Variants in ZNF385D observed in about 807,000 individuals in gnomAD.
The protein encoded by ZNF385D is zinc finger protein 659.
ZNF385D carries 15 observed loss-of-function variants against 35.8 expected under a neutral mutation model. That is an observed-to-expected ratio of 0.42 (90% confidence interval 0.28 to 0.64). The LOEUF is 0.64. Ranked by LOEUF, ZNF385D falls within the 30% of genes least tolerant of loss-of-function variation. The pLI is 0.23. For synonymous variants in ZNF385D, 212 were observed against 186.8 expected (o/e 1.13, Z -1.10); for missense variants, 474 against 494.6 (o/e 0.96, Z 0.39).
At chr3:22,358,408 AC>A (rs1379926475) in intron 2 of ZNF385D, among the ~76,000 whole-genome samples, 1 of 151,886 alleles carries the variant, frequency 6.6e-6, no homozygotes. Flanking sequence ...ACAAAATGCA[AC>A]TTTGTTCAAA....
intron 3 of ZNF385D, among the ~76,000 whole-genome samples, chr3:21,959,310 A>G (rs1311947338): frequency 1.3e-5 from 2 of 152,170 alleles, no homozygotes; most frequent in Non-Finnish European, 2.9e-5. Context: ...ATAAAAACAA[A>G]TGAAGATGCT....
At chr3:21,838,432 C>T (rs753648428) in intron 3 of ZNF385D, among the ~76,000 whole-genome samples, 1 of 152,012 alleles carries the variant, frequency 6.6e-6, no homozygotes, top group African/African-American at 2.4e-5. Context: ...AATTTAGATG[C>T]GAATCAACAA....
At chr3:21,883,126 T>C (rs1001112959) in intron 3 of ZNF385D, among the ~76,000 whole-genome samples, 11 of 152,050 alleles carry the variant, frequency 7.2e-5, no homozygotes, top group African/African-American at 2.2e-4. Flanking sequence ...GGTTAGTTTG[T>C]ATGCAGATAA....
chr3:21,619,135 C>T (rs2064930238), intron 2 of ZNF385D, among the ~76,000 whole-genome samples: 1 of 152,092 alleles, frequency 6.6e-6, no homozygotes, highest in Non-Finnish European at 1.5e-5. Context: ...AATTACCTCA[C>T]CTTTTCTACC....
intron 1 of ZNF385D, among the ~76,000 whole-genome samples, chr3:21,726,747 C>A (rs1013947111): frequency 1.3e-5 from 2 of 152,084 alleles, no homozygotes; most frequent in African/African-American, 4.8e-5. Flanking sequence ...CTATACTGCC[C>A]GAAGTGGTTT....
intron 2 of ZNF385D, among the ~76,000 whole-genome samples, chr3:21,596,023 G>C (rs73137046): frequency 6.6e-6 from 1 of 152,158 alleles, no homozygotes; most frequent in African/African-American, 2.4e-5. Flanking sequence ...CAATGCAAAG[G>C]CATTTTTATT....
chr3:21,576,844 G>C (rs1461896259), intron 2 of ZNF385D, among the ~76,000 whole-genome samples: 1 of 152,030 alleles, frequency 6.6e-6, no homozygotes, highest in Non-Finnish European at 1.5e-5. Context: ...TTCTGTAACA[G>C]GTTTTTTCTA....
At chr3:21,756,456 T>C (rs531660246) in intron 3 of ZNF385D, among the ~76,000 whole-genome samples, 1 of 152,258 alleles carries the variant, frequency 6.6e-6, no homozygotes, top group East Asian at 1.9e-4. Context: ...ATTCTTATTA[T>C]ATCCAAGTAG....
At chr3:22,010,017 AAC>A (rs1489676509) in intron 3 of ZNF385D, among the ~76,000 whole-genome samples, 2 of 152,280 alleles carry the variant, frequency 1.3e-5, no homozygotes, top group Admixed American at 6.5e-5. Flanking sequence ...AAAACAGGTA[AAC>A]ACAGTCACTT....
At chr3:22,258,328 G>A (rs989135858) in intron 2 of ZNF385D, among the ~76,000 whole-genome samples, 2 of 151,716 alleles carry the variant, frequency 1.3e-5, no homozygotes, top group Non-Finnish European at 2.9e-5. Context: ...AGCCAAATAA[G>A]CAGAATAAGT....
intron 3 of ZNF385D, among the ~76,000 whole-genome samples, chr3:21,976,568 A>G (rs961354355): frequency 6.6e-6 from 1 of 152,250 alleles, no homozygotes; most frequent in Admixed American, 6.5e-5. Flanking sequence ...TATGTAACAG[A>G]TAATCACCAA....
At chr3:21,604,039 G>T (rs1267862199) in intron 2 of ZNF385D, among the ~76,000 whole-genome samples, 1 of 152,202 alleles carries the variant, frequency 6.6e-6, no homozygotes, top group Non-Finnish European at 1.5e-5. Context: ...AAGCAAGCGA[G>T]ATTGCCGAGT....
chr3:22,080,388 T>A (rs1281425958), intron 3 of ZNF385D, among the ~76,000 whole-genome samples: 4 of 152,112 alleles, frequency 2.6e-5, no homozygotes, highest in Non-Finnish European at 4.4e-5. Flanking sequence ...CTTTTGTTTT[T>A]AGAGAAAGCA....
chr3:21,997,291 T>A (rs914019704), intron 3 of ZNF385D, among the ~76,000 whole-genome samples: 2 of 152,028 alleles, frequency 1.3e-5, no homozygotes, highest in Non-Finnish European at 2.9e-5. Flanking sequence ...AGGTGGGAAT[T>A]GAACAATGAG....
At chr3:21,642,957 A>G (rs1306224777) in intron 2 of ZNF385D, among the ~76,000 whole-genome samples, 1 of 152,126 alleles carries the variant, frequency 6.6e-6, no homozygotes, top group African/African-American at 2.4e-5. Flanking sequence ...GAAATGATGA[A>G]TGCAGAATTT....
intron 3 of ZNF385D, among the ~76,000 whole-genome samples, chr3:21,808,876 C>T (rs533996333): frequency 6.6e-6 from 1 of 152,096 alleles, no homozygotes; most frequent in Non-Finnish European, 1.5e-5. Flanking sequence ...TGGGTAGCAC[C>T]AAAGTAGGAC....
intron 2 of ZNF385D, among the ~76,000 whole-genome samples, chr3:22,196,362 A>G (rs1696413381): frequency 6.6e-6 from 1 of 151,914 alleles, no homozygotes; most frequent in East Asian, 1.9e-4. Flanking sequence ...TAGAGTGTGT[A>G]TTTTGCAACA....
intron 2 of ZNF385D, among the ~76,000 whole-genome samples, chr3:22,211,811 C>T (rs962178204): frequency 6.6e-6 from 1 of 151,934 alleles, no homozygotes; most frequent in Admixed American, 6.6e-5. Context: ...TCTTGTACTG[C>T]AGTGTATAAA....
At chr3:21,624,995 TG>T (rs2065097444) in intron 2 of ZNF385D, among the ~76,000 whole-genome samples, 1 of 152,100 alleles carries the variant, frequency 6.6e-6, no homozygotes, top group Admixed American at 6.6e-5. Flanking sequence ...CATTCATTCA[TG>T]TATAAATATT....
Sources: gnomAD v4.1 joint callset for allele counts (sites outside exome capture counted in the v4.1 genomes callset) on GRCh38, gnomAD v4.1.1 for gene constraint, MANE v1.5 for transcripts, NCBI Gene and HGNC (gene_info 2026-07-23, HGNC 2026-07-21) for gene names.